Variants in LRRC4C observed in about 807,000 individuals in gnomAD.
The protein encoded by LRRC4C is leucine-rich repeat-containing protein 4C.
In LRRC4C, 5 loss-of-function variants were observed where a neutral mutation model predicts 33.6. That is an observed-to-expected ratio of 0.15 (90% confidence interval 0.08 to 0.31). The LOEUF is 0.31. LRRC4C is among the 10% of genes least tolerant of loss of function. LRRC4C has a pLI of 1.00. For missense variants in LRRC4C, 560 were observed against 796.7 expected (o/e 0.70, Z 3.58); for synonymous variants, 329 against 302.0 (o/e 1.09, Z -0.93).
chr11:40,949,241 G>T (rs1024913029), intron 1 of LRRC4C, among the ~76,000 whole-genome samples: 2 of 151,840 alleles, frequency 1.3e-5, no homozygotes, highest in Admixed American at 6.6e-5. Context: ...TAAATTTGTT[G>T]GAGTTCATTG....
At chr11:41,067,465 G>A (rs1163544070) in intron 1 of LRRC4C, among the ~76,000 whole-genome samples, 1 of 152,090 alleles carries the variant, frequency 6.6e-6, no homozygotes, top group African/African-American at 2.4e-5. Flanking sequence ...CACAATAACA[G>A]TAGAAGACTT....
chr11:40,853,434 A>C (rs1565135805), intron 2 of LRRC4C, among the ~76,000 whole-genome samples: 1 of 148,372 alleles, frequency 6.7e-6, no homozygotes. Flanking sequence ...TTATATAGAT[A>C]TATATTTATA....
intron 3 of LRRC4C, among the ~76,000 whole-genome samples, chr11:40,612,109 T>A (rs939842920): frequency 6.6e-6 from 1 of 151,864 alleles, no homozygotes; most frequent in African/African-American, 2.4e-5. Context: ...TATAACATTA[T>A]TCATAATACC....
At chr11:40,678,749 C>G (rs1944534763) in intron 2 of LRRC4C, among the ~76,000 whole-genome samples, 1 of 152,106 alleles carries the variant, frequency 6.6e-6, no homozygotes, top group African/African-American at 2.4e-5. Flanking sequence ...GTTAGGCCCC[C>G]CAGCCATGTG....
chr11:40,990,593 A>G (rs969794056), intron 1 of LRRC4C, among the ~76,000 whole-genome samples: 11 of 152,076 alleles, frequency 7.2e-5, no homozygotes, highest in African/African-American at 4.8e-5. Flanking sequence ...TGAGGTTAAA[A>G]CTATATTCAT....
chr11:40,256,456 A>G (rs902695906), intron 4 of LRRC4C, among the ~76,000 whole-genome samples: 4 of 152,136 alleles, frequency 2.6e-5, no homozygotes, highest in Non-Finnish European at 5.9e-5. Flanking sequence ...CTGCCCTAGA[A>G]TGGCTCAAAT....
intron 2 of LRRC4C, among the ~76,000 whole-genome samples, chr11:40,764,230 C>T (rs374350828): frequency 6.6e-5 from 10 of 152,226 alleles, no homozygotes; most frequent in African/African-American, 2.4e-4. Context: ...AAACCTGTTG[C>T]CTTGAAGGGA....
At chr11:40,456,543 A>T (rs1235655305) in intron 3 of LRRC4C, among the ~76,000 whole-genome samples, 4 of 152,106 alleles carry the variant, frequency 2.6e-5, no homozygotes, top group African/African-American at 4.8e-5. Context: ...TAGATTGAGA[A>T]GCTTCAATGA....
chr11:40,131,457 T>C (rs1856638241), intron 6 of LRRC4C, among the ~76,000 whole-genome samples: 1 of 152,182 alleles, frequency 6.6e-6, no homozygotes, highest in Admixed American at 6.5e-5. Flanking sequence ...TCCTAAATAT[T>C]ACATCCAGAG....
At chr11:40,725,113 C>A (rs1450749638) in intron 2 of LRRC4C, among the ~76,000 whole-genome samples, 1 of 152,148 alleles carries the variant, frequency 6.6e-6, no homozygotes, top group Non-Finnish European at 1.5e-5. Context: ...TTTATCTCCT[C>A]AAGTGATGCC....
chr11:40,590,532 C>T (rs1958991663), intron 3 of LRRC4C, among the ~76,000 whole-genome samples: 1 of 152,056 alleles, frequency 6.6e-6, no homozygotes, highest in Admixed American at 6.6e-5. Flanking sequence ...GAACTGTGTT[C>T]CTTTGGAAGA....
chr11:40,444,358 CT>C (rs972289893), intron 3 of LRRC4C, among the ~76,000 whole-genome samples: 33 of 145,270 alleles, frequency 2.3e-4, no homozygotes, highest in South Asian at 1.1e-3. Context: ...TTTTATTTTT[CT>C]TTTTTTTTTA....
intron 1 of LRRC4C, among the ~76,000 whole-genome samples, chr11:41,323,189 C>A (rs1027538081): frequency 3.3e-5 from 5 of 152,062 alleles, no homozygotes; most frequent in Middle Eastern, 3.4e-3. Flanking sequence ...AATCTATTGC[C>A]CCCAGTGAGC....
intron 3 of LRRC4C, among the ~76,000 whole-genome samples, chr11:40,582,823 A>AT (rs113091395): frequency 0.25 from 37,467 of 151,182 alleles, 4,942 homozygotes; most frequent in Middle Eastern, 0.36. Context: ...AGCCTGTTCA[A>AT]TTTTTTTTTA....
At chr11:40,437,200 T>C (rs1441010695) in intron 3 of LRRC4C, among the ~76,000 whole-genome samples, 2 of 152,136 alleles carry the variant, frequency 1.3e-5, no homozygotes, top group South Asian at 4.1e-4. Context: ...TTTCTCACTA[T>C]ATTAAGTGGC....
At chr11:40,984,141 G>A in intron 1 of LRRC4C, among the ~76,000 whole-genome samples, 1 of 134,078 alleles carries the variant, frequency 7.5e-6, no homozygotes, top group Non-Finnish European at 1.6e-5. Context: ...GGAAGCATAA[G>A]AAAAAAGTAA....
intron 1 of LRRC4C, among the ~76,000 whole-genome samples, chr11:41,178,572 G>A (rs1295066677): frequency 1.3e-5 from 2 of 152,156 alleles, no homozygotes; most frequent in Non-Finnish European, 1.5e-5. Flanking sequence ...GACCAGGCCA[G>A]TCTCTAACTC....
At chr11:41,115,885 C>T (rs146428299) in intron 1 of LRRC4C, among the ~76,000 whole-genome samples, 1 of 152,026 alleles carries the variant, frequency 6.6e-6, no homozygotes, top group South Asian at 2.1e-4. Flanking sequence ...TGCCTGCCTC[C>T]TAGCTAGCAA....
At chr11:40,873,864 T>C (rs922410392) in intron 2 of LRRC4C, among the ~76,000 whole-genome samples, 2 of 152,214 alleles carry the variant, frequency 1.3e-5, no homozygotes, top group African/African-American at 4.8e-5. Flanking sequence ...CCATGTTTCA[T>C]GTTTCTTATG....
Sources: allele counts gnomAD v4.1 joint callset (sites outside exome capture counted in the v4.1 genomes callset), GRCh38; gene constraint gnomAD v4.1.1; transcripts MANE v1.5; gene names NCBI Gene and HGNC (gene_info 2026-07-23, HGNC 2026-07-21).